The following HP1BP3 variants were observed in gnomAD, a reference collection of about 807,000 sequenced individuals.
HP1BP3 encodes heterochromatin protein 1-binding protein 3.
In HP1BP3, 12 loss-of-function variants were observed where a neutral mutation model predicts 62.5. The ratio of observed to expected loss-of-function variants is 0.19; its 90% confidence interval spans 0.12 to 0.31. The LOEUF (loss-of-function observed/expected upper bound fraction) is 0.31, where lower values mean the gene tolerates loss of function less well. Among genes scored for constraint, HP1BP3 ranks in the 10% least tolerant of loss-of-function variants. HP1BP3 has a pLI of 1.00. For synonymous variants in HP1BP3, 260 were observed against 237.8 expected, an observed-to-expected ratio of 1.09 and a Z score of -0.86; for missense variants, 502 against 651.8, an observed-to-expected ratio of 0.77 and a Z score of 2.50.
intron 7 of HP1BP3, 96 bp from the exon 8 acceptor site, chr1:20,765,627 A>C (rs2056742003): frequency 1.1e-6 from 1 of 923,844 alleles, no homozygotes; most frequent in Admixed American, 2.9e-5. Flanking sequence ...CAAATTTGTC[A>C]ATTTTATGGC....
chr1:20,771,050 T>C lies in HP1BP3; in HGVS notation c.534A>G (p.Ala178=), dbSNP rs2057033373. The change falls in exon 6 of 13, where the codon GCA becomes GCG. Residue 178 remains alanine (A), a synonymous_variant. Coordinates refer to ENST00000438032, the MANE Select transcript of HP1BP3 (RefSeq NM_001372052.1). ...TGTATTTTCGAATAGCAACCACTGA[T>C]GCACCACTCTTCTGGAAGCATGCCT... ...AIKACFQKSG[A]SVVAIRKYII... 20 of 1,607,902 alleles carry C rather than the reference T, an allele frequency of 1.2e-5. No homozygotes were observed. Among genetic ancestry groups the C allele is most frequent in the Non-Finnish European group, 1.6e-5 (19 of 1,178,066 alleles).
rs1019051130 is a variant in HP1BP3 at position 20,754,699 on chromosome 1, A to C, written c.981+2467T>G. Among the ~76,000 whole-genome samples the C allele has an allele frequency of 2.6e-5, 4 of 152,342 alleles. No homozygotes were observed. In the East Asian group the frequency reaches 7.7e-4, roughly 29 times the overall value. On this transcript the variant is annotated intron_variant, in intron 9 of 12. Coordinates refer to ENST00000438032, the MANE Select transcript of HP1BP3 (RefSeq NM_001372052.1). ...TTATATTTATGGTCAATTGATTTTC[A>C]TAAGATGCTACGGCAATTCAATAGG...
At chr1:20,770,462 T>C (rs1177864274) in intron 6 of HP1BP3, among the ~76,000 whole-genome samples, 1 of 152,064 alleles carries the variant, frequency 6.6e-6, no homozygotes, top group African/African-American at 2.4e-5. Context: ...ACTAGAGGCA[T>C]GTGTCACCAA....
intron 1 of HP1BP3, among the ~76,000 whole-genome samples, chr1:20,784,527 G>A (rs1360123502): frequency 1.4e-5 from 2 of 140,670 alleles, no homozygotes; most frequent in Non-Finnish European, 3.0e-5. Context: ...CGCCCAGGCT[G>A]GAGTGCGGTG....
chr1:20,764,781 AG>A (rs2056686444), intron 8 of HP1BP3, among the ~76,000 whole-genome samples: 1 of 151,274 alleles, frequency 6.6e-6, no homozygotes. Context: ...AGGCTGTGGC[AG>A]GAAAATCGCT....
Position 20,787,306 on chromosome 1 carries a change from C to T in HP1BP3, c.-212G>A, listed in dbSNP as rs958464025. 1 of 149,606 alleles carries T rather than the reference C, an allele frequency of 6.7e-6. No homozygotes were observed. Among genetic ancestry groups the T allele is most frequent in the East Asian group, 1.9e-4 (1 of 5,142 alleles). The allele number at this position is 149,606 out of a possible 1,614,324, so 9.3% of individuals were successfully genotyped here. On this transcript the variant is annotated 5_prime_UTR_variant, in exon 1 of 13. Coordinates refer to ENST00000438032, the MANE Select transcript of HP1BP3 (RefSeq NM_001372052.1). ...GTCCTCCAGTCCCAGCCGCCGAGCT[C>T]TGCCGCCCCGCCCCCCTACCCGCGG...
intron 9 of HP1BP3, among the ~76,000 whole-genome samples, chr1:20,753,282 CTATCAT>C (rs1309993941): frequency 6.6e-6 from 1 of 152,136 alleles, no homozygotes; most frequent in African/African-American, 2.4e-5. Flanking sequence ...GACAGCTAAC[CTATCAT>C]TATTCAGACT....
intron 9 of HP1BP3, among the ~76,000 whole-genome samples, chr1:20,756,462 T>C (rs1179427714): frequency 1.3e-5 from 2 of 151,660 alleles, no homozygotes; most frequent in African/African-American, 4.8e-5. Flanking sequence ...CCCAGCACTT[T>C]GGGAGGCTGA....
chr1:20,757,389 G>A, intron 8 of HP1BP3, 133 bp from the exon 9 acceptor site: 1 of 322,556 alleles, frequency 3.1e-6, no homozygotes, highest in Non-Finnish European at 4.8e-6. Flanking sequence ...TTTTTTTTTT[G>A]AGGTGGAGTT....
At position 20,765,369 on chromosome 1, in the gene HP1BP3, G is replaced by A; in HGVS notation, c.890+8C>T. Reference sequence around the variant, plus strand: ...TCATGTTTTAAAGGCCAGGCCAATGGCTCATACCTGATGTCCACTCTAAGC... The same window carrying A: ...TCATGTTTTAAAGGCCAGGCCAATGACTCATACCTGATGTCCACTCTAAGC... On this transcript the variant is annotated splice_region_variant and intron_variant, in intron 8 of 12. Coordinates refer to ENST00000438032, the MANE Select transcript of HP1BP3 (RefSeq NM_001372052.1). 1 of 1,589,810 alleles carries A rather than the reference G, an allele frequency of 6.3e-7. No homozygotes were observed. The highest frequency in any genetic ancestry group is 8.6e-7 in the Non-Finnish European group (1 of 1,168,598).
rs1278960130 is a variant in HP1BP3, at chr1:20,781,455, A to G, written c.-100-915T>C. ...TAGGATAAATCCGGAAGATTGAAAC[A>G]AAGAGGATGCATTCACACTTATCGG... On this transcript the variant is annotated intron_variant, in intron 1 of 12. Coordinates refer to ENST00000438032, the MANE Select transcript of HP1BP3 (RefSeq NM_001372052.1). 2.0e-5 allele frequency among the ~76,000 whole-genome samples: 3 copies of G among 152,226 alleles called. No homozygotes were observed. In the South Asian group the frequency reaches 6.2e-4, roughly 31 times the overall value.
chr1:20,770,102 T>C (rs1334403212), intron 6 of HP1BP3, among the ~76,000 whole-genome samples: 2 of 152,230 alleles, frequency 1.3e-5, no homozygotes, highest in East Asian at 3.9e-4. Context: ...TTCCATGCAC[T>C]ATGCAAGATA....
At chr1:20,760,079 G>A (rs2056376949) in intron 8 of HP1BP3, among the ~76,000 whole-genome samples, 1 of 151,906 alleles carries the variant, frequency 6.6e-6, no homozygotes, top group South Asian at 2.1e-4. Flanking sequence ...AGTAGAGATG[G>A]GGTTTCACCA....
intron 9 of HP1BP3, among the ~76,000 whole-genome samples, chr1:20,754,549 T>C (rs2055982192): frequency 1.3e-5 from 2 of 151,954 alleles, no homozygotes; most frequent in Non-Finnish European, 2.9e-5. Flanking sequence ...CCTGAAAAAG[T>C]TAGAGGGCTT....
intron 11 of HP1BP3, among the ~76,000 whole-genome samples, chr1:20,745,954 G>A (rs961538509): frequency 6.6e-6 from 1 of 152,010 alleles, no homozygotes; most frequent in African/African-American, 2.4e-5. Context: ...ATCTGGCACT[G>A]TATTAGCCAA....
chr1:20,764,165 T>C (rs759967403), intron 8 of HP1BP3, among the ~76,000 whole-genome samples: 5 of 152,220 alleles, frequency 3.3e-5, no homozygotes, highest in Non-Finnish European at 5.9e-5. Flanking sequence ...GAAATTGAAA[T>C]AGTATTTTCT....
At chr1:20,776,024 AAAAATTAAAAATT>A in intron 4 of HP1BP3, 2 of 1,490,468 alleles carry the variant, frequency 1.3e-6, no homozygotes, top group Non-Finnish European at 8.9e-7. Context: ...AAAAAAAAAA[AAAAATTAAAAATT>A]AAAAAGTAAC....
chr1:20,787,306 C>A lies in HP1BP3; in HGVS notation c.-212G>T. 1 of 149,714 alleles carries A rather than the reference C, an allele frequency of 6.7e-6. No homozygotes were observed. The highest frequency in any genetic ancestry group is 1.8e-4 in the South Asian group (1 of 5,518). 9.3% of individuals were successfully genotyped at this position (149,714 alleles called of 1,614,324 possible). On this transcript the variant is annotated 5_prime_UTR_variant, in exon 1 of 13. Coordinates refer to ENST00000438032, the MANE Select transcript of HP1BP3 (RefSeq NM_001372052.1). ...GTCCTCCAGTCCCAGCCGCCGAGCT[C>A]TGCCGCCCCGCCCCCCTACCCGCGG... is the stretch of plus-strand genomic sequence containing the variant.
At chr1:20,784,094 C>A (rs1327248796) in intron 1 of HP1BP3, among the ~76,000 whole-genome samples, 2 of 152,124 alleles carry the variant, frequency 1.3e-5, no homozygotes, top group Admixed American at 1.3e-4. Flanking sequence ...CTTAGTCTCC[C>A]TAGTAGCTGG....
Sources: gnomAD v4.1 joint callset for allele counts (sites outside exome capture counted in the v4.1 genomes callset) on GRCh38, gnomAD v4.1.1 for gene constraint, MANE v1.5 for transcripts, NCBI Gene and HGNC (gene_info 2026-07-23, HGNC 2026-07-21) for gene names.